PCDH15: variants seen among roughly 807,000 people sequenced by gnomAD.
The protein encoded by PCDH15 is protocadherin-15.
In PCDH15, 129 loss-of-function variants were observed where a neutral mutation model predicts 178.5. The ratio of observed to expected loss-of-function variants is 0.72; its 90% confidence interval spans 0.63 to 0.84. The LOEUF is 0.84. Among genes scored for constraint, PCDH15 ranks in the 40% least tolerant of loss-of-function variants. The pLI, the probability that PCDH15 is intolerant of heterozygous loss-of-function variation, is 0.00. For synonymous variants in PCDH15, 800 were observed against 732.0 expected (o/e 1.09, Z -1.50); for missense variants, 2,230 against 2,099.9 (o/e 1.06, Z -1.21).
chr10:54,449,152 T>G (rs143561328), intron 3 of PCDH15, among the ~76,000 whole-genome samples: 4 of 151,848 alleles, frequency 2.6e-5, no homozygotes, highest in African/African-American at 4.8e-5. Flanking sequence ...GCCCAACCCT[T>G]AACCCCATTA....
At chr10:54,979,573 G>A (rs185413854) in intron 2 of PCDH15, among the ~76,000 whole-genome samples, 18 of 150,002 alleles carry the variant, frequency 1.2e-4, no homozygotes, top group South Asian at 2.1e-4. Context: ...GGAGACTGAG[G>A]CAGGAGAATC....
At chr10:55,255,479 G>A (rs534934873) in intron 1 of PCDH15, among the ~76,000 whole-genome samples, 112 of 152,210 alleles carry the variant, frequency 7.4e-4, no homozygotes, top group Non-Finnish European at 1.2e-3. Flanking sequence ...GTAATGGAAC[G>A]GCTGGGTCAA....
chr10:54,307,875 G>C (rs1402842206), intron 8 of PCDH15, among the ~76,000 whole-genome samples: 1 of 151,916 alleles, frequency 6.6e-6, no homozygotes, highest in African/African-American at 2.4e-5. Context: ...ATGTGTCTCT[G>C]AGTAAACACC....
intron 2 of PCDH15, among the ~76,000 whole-genome samples, chr10:54,619,492 T>C (rs1937404): frequency 0.32 from 47,849 of 151,826 alleles, 8,137 homozygotes; most frequent in East Asian, 0.44. Context: ...AAACACATCC[T>C]TTCTCCCTCA....
At chr10:54,206,623 A>C (rs2050823027) in intron 10 of PCDH15, among the ~76,000 whole-genome samples, 1 of 152,142 alleles carries the variant, frequency 6.6e-6, no homozygotes, top group African/African-American at 2.4e-5. Flanking sequence ...TGTAATAAGC[A>C]AATTTTAAAA....
At chr10:55,227,337 C>T (rs1466635864) in intron 1 of PCDH15, among the ~76,000 whole-genome samples, 1 of 152,006 alleles carries the variant, frequency 6.6e-6, no homozygotes, top group African/African-American at 2.4e-5. Context: ...TGTGAATGCA[C>T]CCTTTCTCAA....
At chr10:55,397,652 G>A (rs956325993) in intron 2 of PCDH15, among the ~76,000 whole-genome samples, 6 of 151,806 alleles carry the variant, frequency 4.0e-5, no homozygotes, top group African/African-American at 9.7e-5. Context: ...GCGTGATCTC[G>A]GCTCACTGCA....
chr10:55,222,765 A>G (rs935134409), intron 1 of PCDH15, among the ~76,000 whole-genome samples: 1 of 95,788 alleles, frequency 1.0e-5, no homozygotes, highest in Non-Finnish European at 2.3e-5. Context: ...ATATATATAT[A>G]TATGTAGTTC....
intron 2 of PCDH15, among the ~76,000 whole-genome samples, chr10:55,327,384 T>C (rs904604401): frequency 1.3e-5 from 2 of 151,616 alleles, no homozygotes; most frequent in South Asian, 2.1e-4. Context: ...ATAGACCCAA[T>C]GTGAAATGCA....
At chr10:55,259,393 TAAGTA>T (rs1215899113) in intron 1 of PCDH15, among the ~76,000 whole-genome samples, 1 of 152,120 alleles carries the variant, frequency 6.6e-6, no homozygotes, top group East Asian at 1.9e-4. Context: ...TATCAGAATC[TAAGTA>T]AAGAAAGTAT....
chr10:54,628,971 A>G (rs959536538), intron 2 of PCDH15, among the ~76,000 whole-genome samples: 7 of 152,034 alleles, frequency 4.6e-5, no homozygotes, highest in Non-Finnish European at 8.8e-5. Context: ...CTCAAACAGG[A>G]AAGAATACAC....
chr10:54,820,100 T>C (rs1953012889), intron 3 of PCDH15, among the ~76,000 whole-genome samples: 1 of 152,040 alleles, frequency 6.6e-6, no homozygotes, highest in Admixed American at 6.6e-5. Flanking sequence ...ATCTTTCCCA[T>C]AGAAACCATT....
chr10:53,814,694 G>A (rs374787494), intron 35 of PCDH15, among the ~76,000 whole-genome samples: 10 of 152,180 alleles, frequency 6.6e-5, no homozygotes, highest in East Asian at 1.9e-4. Flanking sequence ...GCCCGGGTGC[G>A]GTGGCTCACG....
chr10:54,928,246 A>G (rs1837680687), intron 2 of PCDH15, among the ~76,000 whole-genome samples: 1 of 152,242 alleles, frequency 6.6e-6, no homozygotes, highest in East Asian at 1.9e-4. Flanking sequence ...TTTCATTTAG[A>G]ATGTTGAATA....
Position 55,138,118 on chromosome 10 carries a change from G to A in PCDH15, c.-80+28458C>T, listed in dbSNP as rs546492667. On this transcript the variant is annotated intron_variant, in intron 2 of 5. Coordinates refer to the PCDH15 transcript ENST00000458638. ...GGGTATTCTTGCTGCTATAGCTGTT[G>A]TAAGTCTGATCTTGGAGTAGGTTTG... Among the ~76,000 whole-genome samples, 3 of 152,198 alleles carry A rather than the reference G, an allele frequency of 2.0e-5. No individual in the cohort carries two copies. The South Asian group carries it at 6.2e-4, about 32-fold the overall frequency.
At chr10:54,342,161 A>G (rs1394919868) in intron 6 of PCDH15, among the ~76,000 whole-genome samples, 2 of 152,178 alleles carry the variant, frequency 1.3e-5, no homozygotes, top group Non-Finnish European at 2.9e-5. Flanking sequence ...TTAATAGCCA[A>G]GACAATGGGA....
At position 54,317,277 on chromosome 10, in the gene PCDH15, T is replaced by A. The variant is rs1475906300; in HGVS notation, c.870A>T (p.Arg290Ser). 1.9e-6 allele frequency: 3 copies of A among 1,613,452 alleles called. No homozygotes were observed. In the African/African-American group the frequency reaches 4.0e-5, roughly 22 times the overall value. Residue 290 changes from arginine (R) to serine (S), a missense_variant, in exon 8 of 38, where the codon AGA (arginine) becomes AGT (serine). Coordinates refer to ENST00000644397, the MANE Select transcript of PCDH15 (RefSeq NM_001384140.1). Reference protein sequence around the residue: ...LTYQAAIPELRTPEELNPIIV... With the variant: ...LTYQAAIPELSTPEELNPIIV... Reference sequence around the variant, plus strand: ...AAGATAAGAGTATATTTACCGGAGTTCTCAACTCAGGTATGGCAGCTTGAT... The same window carrying A: ...AAGATAAGAGTATATTTACCGGAGTACTCAACTCAGGTATGGCAGCTTGAT...
At chr10:55,203,918 C>T (rs906043139) in intron 1 of PCDH15, among the ~76,000 whole-genome samples, 1 of 151,746 alleles carries the variant, frequency 6.6e-6, no homozygotes, top group African/African-American at 2.4e-5. Context: ...GGTTAAAATG[C>T]AATACATTTC....
intron 15 of PCDH15, among the ~76,000 whole-genome samples, chr10:54,117,349 CT>C (rs2132800583): frequency 6.6e-6 from 1 of 152,120 alleles, no homozygotes; most frequent in East Asian, 1.9e-4. Flanking sequence ...AATATGGTGG[CT>C]TGTGGAAGCT....
Sources: allele counts gnomAD v4.1 joint callset (sites outside exome capture counted in the v4.1 genomes callset), GRCh38; gene constraint gnomAD v4.1.1; transcripts MANE v1.5; gene names NCBI Gene and HGNC (gene_info 2026-07-23, HGNC 2026-07-21).